DIAPH1: variants seen among roughly 807,000 people sequenced by gnomAD.
The protein encoded by DIAPH1 is protein diaphanous homolog 1.
In DIAPH1, 46 loss-of-function variants were observed where a neutral mutation model predicts 140.7. The observed-to-expected ratio is 0.33, with a 90% CI of 0.26 to 0.42. DIAPH1 has a LOEUF of 0.42. Among genes scored for constraint, DIAPH1 ranks in the 10% least tolerant of loss-of-function variants. DIAPH1 has a pLI of 1.00. For missense variants in DIAPH1, 1,310 were observed against 1,558.7 expected (o/e 0.84, Z 2.69); for synonymous variants, 565 against 551.6 (o/e 1.02, Z -0.34).
chr5:141,595,800 G>A (rs1408747571), intron 1 of DIAPH1, among the ~76,000 whole-genome samples: 1 of 152,100 alleles, frequency 6.6e-6, no homozygotes, highest in Non-Finnish European at 1.5e-5. Flanking sequence ...CACCATGCAC[G>A]TGTGTGGGCA....
chr5:141,566,157 T>C (rs1045691856), intron 18 of DIAPH1, among the ~76,000 whole-genome samples: 2 of 152,042 alleles, frequency 1.3e-5, no homozygotes, highest in African/African-American at 4.8e-5. Flanking sequence ...GGGGTCAGGA[T>C]AGCAAAGGGA....
chr5:141,612,582 CA>C (rs945785521), intron 1 of DIAPH1, among the ~76,000 whole-genome samples: 1 of 152,106 alleles, frequency 6.6e-6, no homozygotes, highest in African/African-American at 2.4e-5. Flanking sequence ...CTAGAAAACA[CA>C]AACTAATCTA....
At chr5:141,576,118 G>T in intron 14 of DIAPH1, 112 bp downstream of exon 14, 1 of 893,512 alleles carries the variant, frequency 1.1e-6, no homozygotes, top group Non-Finnish European at 1.9e-6. Context: ...ACACTATTGG[G>T]TGCTAAACGC....
chr5:141,549,391 A>G (rs868689940), intron 18 of DIAPH1, among the ~76,000 whole-genome samples: 1 of 152,188 alleles, frequency 6.6e-6, no homozygotes, highest in African/African-American at 2.4e-5. Context: ...TTTAAAATAT[A>G]TAAAGTTAAA....
chr5:141,571,586 G>T, intron 17 of DIAPH1, 150 bp from the exon 18 acceptor site: 1 of 730,304 alleles, frequency 1.4e-6, no homozygotes, highest in Non-Finnish European at 2.3e-6. Flanking sequence ...TATTAATTAT[G>T]TACTTAGAAC....
chr5:141,570,752 A>C (rs1221847562), intron 18 of DIAPH1, among the ~76,000 whole-genome samples: 1 of 152,050 alleles, frequency 6.6e-6, no homozygotes, highest in Non-Finnish European at 1.5e-5. Context: ...AAAATATGAA[A>C]TTATTGGGCT....
At chr5:141,582,888 A>T (rs1434046772) in intron 6 of DIAPH1, among the ~76,000 whole-genome samples, 1 of 152,210 alleles carries the variant, frequency 6.6e-6, no homozygotes, top group Non-Finnish European at 1.5e-5. Flanking sequence ...TTCCAAATGG[A>T]TATTACCCAG....
chr5:141,521,165 G>C (rs974447119), intron 27 of DIAPH1, among the ~76,000 whole-genome samples: 4 of 152,194 alleles, frequency 2.6e-5, no homozygotes, highest in Non-Finnish European at 5.9e-5. Flanking sequence ...CTAATCACTG[G>C]AAGTCTTTAG....
rs202045699 is a variant in DIAPH1 at position 141,528,436 on chromosome 5, A to G, written c.3148+17T>C. 3 of 1,614,046 alleles carry G rather than the reference A, an allele frequency of 1.9e-6. No individual in the cohort carries two copies. Among genetic ancestry groups the G allele is most frequent in the Non-Finnish European group, 2.5e-6 (3 of 1,179,996 alleles). ...GCAGAGACTTTTGGGCTCTAGCTTCATTCCAAACTGCCCCACCTCGGCTGG... is the reference window on the plus strand; with the variant it reads ...GCAGAGACTTTTGGGCTCTAGCTTCGTTCCAAACTGCCCCACCTCGGCTGG... On this transcript the variant is annotated intron_variant, in intron 23 of 27. Transcript: ENST00000389054.
rs1304820720 is a variant in DIAPH1, at chr5:141,565,401, G to T, written c.2482+6027C>A. ...TTAGAATAACATATGTATATAAAAA[G>T]TATGATTTAACCACAGTCACTCTGG... On this transcript the variant is annotated intron_variant, in intron 18 of 27. Transcript: ENST00000389054. This position sits in a 1 kb window ranked among gnomAD's most constrained non-coding sequence, Gnocchi z 4.3. The T allele has an allele frequency of 6.6e-6, 1 of 152,104 alleles. No individual in the cohort carries two copies. Among genetic ancestry groups the T allele is most frequent in the Non-Finnish European group, 1.5e-5 (1 of 68,026 alleles). The allele number at this position is 152,104 out of a possible 1,614,324, so 9.4% of individuals were successfully genotyped here. A position where few individuals can be genotyped will look rare whatever the true frequency, so the allele number is the denominator to read the frequency against.
chr5:141,561,959 G>A (rs952126832), intron 18 of DIAPH1: 3 of 152,188 alleles, frequency 2.0e-5, no homozygotes, highest in Non-Finnish European at 2.9e-5. Context: ...CCCTTTGCTA[G>A]CAGTACAAAG....
intron 27 of DIAPH1, among the ~76,000 whole-genome samples, chr5:141,517,225 C>A (rs2099885821): frequency 6.6e-6 from 1 of 152,160 alleles, no homozygotes; most frequent in Non-Finnish European, 1.5e-5. Context: ...GGAAAGCAAG[C>A]CTTGCCCCCT....
rs2099885741 is a variant in DIAPH1 at position 141,516,721 on chromosome 5, G to A, written c.*130C>T. ...GATGTTGAGAGAGCAGCAGGCCAGA[G>A]AGAAAGACAGGGTCAGGGTGGTGGG... On this transcript the variant is annotated 3_prime_UTR_variant, in exon 28 of 28. Transcript: ENST00000389054. The A allele has an allele frequency of 1.8e-5, 18 of 990,980 alleles. No homozygotes were observed. In the South Asian group the frequency reaches 2.2e-4, roughly 12 times the overall value. The allele number at this position is 990,980 out of a possible 1,614,324, so 61.4% of individuals were successfully genotyped here.
rs11387857 is a variant in DIAPH1, at chr5:141,590,741, T to TAA, written c.118-2493_118-2492dup. On this transcript the variant is annotated intron_variant, in intron 1 of 27. Coordinates refer to ENST00000389054, the MANE Select transcript of DIAPH1 (RefSeq NM_005219.5). The stretch of plus-strand genomic sequence containing the variant: ...ATTGTTCACAGCTGAAGCTTAAGTT[T>TAA]AAAAAAAAAAAAAGGGTGGGGGGTA... Among the ~76,000 whole-genome samples, 65 of 143,494 alleles carry TAA rather than the reference T, an allele frequency of 4.5e-4. 2 individuals carry two copies. The South Asian group carries it at 0.012, about 27-fold the overall frequency. The allele number at this position is 143,494 out of a possible 152,430, so 94.1% of individuals were successfully genotyped here. A position where few individuals can be genotyped will look rare whatever the true frequency, so the allele number is the denominator to read the frequency against.
intron 18 of DIAPH1, among the ~76,000 whole-genome samples, chr5:141,567,406 G>T (rs1454457033): frequency 6.6e-6 from 1 of 152,166 alleles, no homozygotes; most frequent in Non-Finnish European, 1.5e-5. Context: ...CTATTATCTT[G>T]ATATTATAGA....
chr5:141,590,031 GCATACCACC>G (rs1175243244), intron 1 of DIAPH1, among the ~76,000 whole-genome samples: 1 of 151,980 alleles, frequency 6.6e-6, no homozygotes, highest in African/African-American at 2.4e-5. Flanking sequence ...GATTGCAGGT[GCATACCACC>G]GTACCCAGTT....
At chr5:141,583,838 G>T (rs2099897143) in intron 4 of DIAPH1, among the ~76,000 whole-genome samples, 2 of 152,030 alleles carry the variant, frequency 1.3e-5, no homozygotes, top group Admixed American at 6.6e-5. Context: ...ACCATGTCAG[G>T]CCACGTTTAT....
At chr5:141,618,505 GA>G (rs1162843192) in intron 1 of DIAPH1, 24 of 319,122 alleles carry the variant, frequency 7.5e-5, no homozygotes, top group African/African-American at 3.8e-4. Context: ...GCTGAGAGGG[GA>G]GAGACGGGGC....
At chr5:141,550,857 A>T (rs540816782) in intron 18 of DIAPH1, among the ~76,000 whole-genome samples, 6 of 152,300 alleles carry the variant, frequency 3.9e-5, no homozygotes, top group Non-Finnish European at 8.8e-5. Flanking sequence ...ATGTTAATAA[A>T]CCTTTTCATA....
Sources: gnomAD v4.1 joint callset for allele counts (sites outside exome capture counted in the v4.1 genomes callset) on GRCh38, gnomAD v4.1.1 for gene constraint, Gnocchi (gnomAD v3.1) non-coding constraint, MANE v1.5 for transcripts, NCBI Gene and HGNC (gene_info 2026-07-23, HGNC 2026-07-21) for gene names.